Variants in DLC1 observed in about 807,000 individuals in gnomAD.
The protein encoded by DLC1 is rho GTPase-activating protein 7.
In DLC1, 54 loss-of-function variants were observed where a neutral mutation model predicts 140.3. The observed-to-expected ratio is 0.38, with a 90% confidence interval of 0.31 to 0.48. The LOEUF (loss-of-function observed/expected upper bound fraction) is 0.48. Ranked by LOEUF, DLC1 falls within the 20% of genes least tolerant of loss-of-function variation. The pLI, the probability that DLC1 is intolerant of heterozygous loss-of-function variation, is 0.96. For synonymous variants in DLC1, 986 were observed against 728.1 expected (o/e 1.35, Z -5.70); for missense variants, 2,536 against 1,907.0 (o/e 1.33, Z -6.14).
chr8:13,172,326 C>G (rs1464821559), intron 5 of DLC1, among the ~76,000 whole-genome samples: 1 of 152,028 alleles, frequency 6.6e-6, no homozygotes, highest in Non-Finnish European at 1.5e-5. Context: ...GGGAAACTTC[C>G]AAAAAAGAAA....
intron 5 of DLC1, among the ~76,000 whole-genome samples, chr8:13,216,670 A>T (rs1406764523): frequency 6.6e-6 from 1 of 152,120 alleles, no homozygotes; most frequent in Non-Finnish European, 1.5e-5. Flanking sequence ...GGTTTAGCCC[A>T]GGGTTTCTCA....
At chr8:13,506,945 C>G (rs1802118313) in intron 1 of DLC1, among the ~76,000 whole-genome samples, 1 of 152,014 alleles carries the variant, frequency 6.6e-6, no homozygotes, top group South Asian at 2.1e-4. Context: ...GTATCTTAGC[C>G]TACTCTTGGG....
In DLC1 at chr8:13,393,668, C is replaced by T. The variant is rs754639420; in HGVS notation, c.1199G>A (p.Gly400Glu). The T allele has an allele frequency of 9.9e-6, 16 of 1,613,802 alleles. No homozygotes were observed. Among genetic ancestry groups the T allele is most frequent in the African/African-American group, 1.3e-5 (1 of 74,896 alleles). ...CTGATTTACTGAAATGGTATCTGCT[C>T]CACTTTCAGATCCTGATTCCAGATC... ...VPDLESGSESGADTISVNQTR... is the reference protein window; with the variant it reads ...VPDLESGSESEADTISVNQTR... The change falls in exon 4 of 18, where the codon GGA (glycine) becomes GAA (glutamate). Residue 400 changes from glycine to glutamate, a missense_variant. By Grantham distance (98) the Gly-to-Glu change is moderately conservative. Coordinates refer to ENST00000276297, the MANE Select transcript of DLC1 (RefSeq NM_182643.3).
chr8:13,149,748 A>G (rs187933513), intron 5 of DLC1, among the ~76,000 whole-genome samples: 6 of 152,372 alleles, frequency 3.9e-5, no homozygotes, highest in Admixed American at 2.0e-4. Flanking sequence ...TACCTAAGAA[A>G]GAATGAGCTA....
intron 5 of DLC1, among the ~76,000 whole-genome samples, chr8:13,215,619 T>C (rs1302426740): frequency 6.6e-6 from 1 of 151,780 alleles, no homozygotes; most frequent in African/African-American, 2.4e-5. Flanking sequence ...GTGAAAAAAA[T>C]TCAAACAAAG....
rs756966085 is a variant in DLC1 at position 13,090,431 on chromosome 8, C to T, written c.3895G>A (p.Glu1299Lys). The change falls in exon 15 of 18, where the codon GAA (glutamate) becomes AAA (lysine). Residue 1299 changes from glutamate (E) to lysine (K), a missense_variant. Glu to Lys is a moderately conservative substitution (Grantham distance 56). Coordinates refer to ENST00000276297, the MANE Select transcript of DLC1 (RefSeq NM_182643.3). The part of the protein sequence containing the change: ...EMSRCRNSYT[E>K]QELKPLTLEA... ...AGAGTGAGGGGCTTCAGCTCTTGTTCGGTATAGGAATTACGACATCGGCTC... is the reference window on the plus strand; with the variant it reads ...AGAGTGAGGGGCTTCAGCTCTTGTTTGGTATAGGAATTACGACATCGGCTC... 12 of 1,613,974 alleles carry T rather than the reference C, an allele frequency of 7.4e-6. No individual in the cohort carries two copies. Among genetic ancestry groups the T allele is most frequent in the African/African-American group, 1.3e-5 (1 of 74,910 alleles).
chr8:13,108,883 C>G (rs1159493596), intron 7 of DLC1, among the ~76,000 whole-genome samples: 1 of 152,180 alleles, frequency 6.6e-6, no homozygotes, highest in Non-Finnish European at 1.5e-5. Context: ...CCCGAAACTG[C>G]ATCTGGTTTC....
chr8:13,588,441 G>A (rs567589116), intron 1 of DLC1, among the ~76,000 whole-genome samples: 1 of 152,116 alleles, frequency 6.6e-6, no homozygotes, highest in East Asian at 1.9e-4. Flanking sequence ...AGAGAGCAGA[G>A]ACCCGATAAA....
intron 1 of DLC1, among the ~76,000 whole-genome samples, chr8:13,520,299 G>A (rs536415626): frequency 9.2e-5 from 14 of 152,272 alleles, no homozygotes; most frequent in African/African-American, 2.6e-4. Context: ...AGCCATAAAA[G>A]AGGAAGAGTT....
intron 5 of DLC1, among the ~76,000 whole-genome samples, chr8:13,288,268 A>G (rs933233965): frequency 4.6e-5 from 7 of 152,238 alleles, no homozygotes; most frequent in Admixed American, 1.3e-4. Context: ...TTAATACAGA[A>G]CTAAGAATAA....
intron 5 of DLC1, among the ~76,000 whole-genome samples, chr8:13,202,623 G>T (rs1316568766): frequency 6.6e-6 from 1 of 151,814 alleles, no homozygotes; most frequent in African/African-American, 2.4e-5. Flanking sequence ...CCCACACTGT[G>T]ACTTTACTTT....
chr8:13,435,144 T>C (rs1435895630), intron 2 of DLC1, among the ~76,000 whole-genome samples: 10 of 152,152 alleles, frequency 6.6e-5, no homozygotes. Flanking sequence ...GGTAAAAATA[T>C]CAACATGAAC....
rs536100510 is a variant in DLC1, at chr8:13,183,744, C to T, written c.1349-68087G>A. On this transcript the variant is annotated intron_variant, in intron 5 of 17. Coordinates refer to ENST00000276297, the MANE Select transcript of DLC1 (RefSeq NM_182643.3). ...AGTATTTTACTGAGGATTTTTGCAT[C>T]GATGTTCATCAGGGATATTGGTCTA... is the stretch of plus-strand genomic sequence containing the variant. Among the ~76,000 whole-genome samples, 823 of 152,126 alleles carry T rather than the reference C, an allele frequency of 5.4e-3. 11 individuals are homozygous for T. Among genetic ancestry groups the T allele is most frequent in the African/African-American group, 0.018 (767 of 41,492 alleles).
chr8:13,195,469 T>C (rs1432197670), intron 5 of DLC1, among the ~76,000 whole-genome samples: 2 of 152,222 alleles, frequency 1.3e-5, no homozygotes, highest in Non-Finnish European at 2.9e-5. Context: ...AGTACAGCTC[T>C]TTGCTACTTA....
intron 15 of DLC1, among the ~76,000 whole-genome samples, chr8:13,089,288 G>GT (rs5889416): frequency 4.0e-5 from 6 of 150,018 alleles, no homozygotes; most frequent in Non-Finnish European, 5.9e-5. Context: ...GATGACATTT[G>GT]TTTTTTTTTT....
chr8:13,214,111 A>G (rs34157477), intron 5 of DLC1, among the ~76,000 whole-genome samples: 67,481 of 151,988 alleles, frequency 0.44, 16,158 homozygotes, highest in East Asian at 0.84. Context: ...ATAAGAAGAT[A>G]TATTCTGAGT....
intron 15 of DLC1, among the ~76,000 whole-genome samples, chr8:13,088,918 G>C (rs776461012): frequency 6.6e-6 from 1 of 152,128 alleles, no homozygotes; most frequent in Non-Finnish European, 1.5e-5. Flanking sequence ...GCATATTTAA[G>C]AGCAAGCCAG....
At chr8:13,504,384 C>T (rs1184255377) in intron 1 of DLC1, among the ~76,000 whole-genome samples, 1 of 152,178 alleles carries the variant, frequency 6.6e-6, no homozygotes, top group African/African-American at 2.4e-5. Flanking sequence ...CTCGGCCTCC[C>T]AAACTGTTGG....
At chr8:13,240,772 T>G (rs1348781352) in intron 5 of DLC1, among the ~76,000 whole-genome samples, 1 of 152,202 alleles carries the variant, frequency 6.6e-6, no homozygotes. Flanking sequence ...CTGCCTAAGT[T>G]GGTGATGGCC....
Sources: allele counts gnomAD v4.1 joint callset (sites outside exome capture counted in the v4.1 genomes callset), GRCh38; gene constraint gnomAD v4.1.1; transcripts MANE v1.5; gene names NCBI Gene and HGNC (gene_info 2026-07-23, HGNC 2026-07-21).